Variants in DDHD1 observed in about 807,000 individuals in gnomAD.
DDHD1 encodes DDHD domain containing 1.
In DDHD1, 49 loss-of-function variants were observed where a neutral mutation model predicts 96.4. The observed-to-expected ratio is 0.51, with a 90% CI of 0.40 to 0.64. The LOEUF (loss-of-function observed/expected upper bound fraction) is 0.64, where lower values mean the gene tolerates loss of function less well. Among genes scored for constraint, DDHD1 ranks in the 30% least tolerant of loss-of-function variants. The pLI, the probability that DDHD1 is intolerant of heterozygous loss-of-function variation, is 0.00. For missense variants in DDHD1, 1,106 were observed against 1,161.2 expected (o/e 0.95, Z 0.69); for synonymous variants, 442 against 446.5 (o/e 0.99, Z 0.13).
intron 3 of DDHD1, chr14:53,092,583 C>CT (rs972096524): frequency 2.0e-5 from 3 of 152,170 alleles, no homozygotes; most frequent in Non-Finnish European, 4.4e-5. Context: ...TATTTCAAGC[C>CT]TGTAACCCCA....
chr14:53,103,550 C>A, intron 2 of DDHD1, 133 bp downstream of exon 2: 1 of 700,304 alleles, frequency 1.4e-6, no homozygotes, highest in Non-Finnish European at 2.2e-6. Context: ...CTAGAATAAT[C>A]AAATGTTTAA....
rs776191400 is a variant in DDHD1 at position 53,062,980 on chromosome 14, G to A, written c.1729C>T (p.Arg577Ter). 11 of 1,613,990 alleles carry A rather than the reference G, an allele frequency of 6.8e-6. No homozygotes were observed. In the Admixed American group the frequency reaches 1.5e-4, roughly 22 times the overall value. ...PDERWMSYEE[R>*]HLLDELYITK... ...ATATAGAGTTCATCAAGAAGATGTC[G>A]TTCTTCATAGCTCATCCATCGTTCA... Residue 577 changes from arginine to a stop codon, truncating the protein, a stop_gained, in exon 7 of 13, where the codon CGA becomes TGA. Transcript: ENST00000673822. LOFTEE classifies it high-confidence loss of function.
intron 4 of DDHD1, among the ~76,000 whole-genome samples, chr14:53,079,661 T>A (rs1275056473): frequency 6.6e-6 from 1 of 152,248 alleles, no homozygotes; most frequent in Non-Finnish European, 1.5e-5. Context: ...TCTCGTTTGG[T>A]CTAGTTAAAA....
intron 1 of DDHD1, among the ~76,000 whole-genome samples, chr14:53,119,796 A>C (rs544224028): frequency 2.0e-5 from 3 of 152,356 alleles, no homozygotes; most frequent in Non-Finnish European, 2.9e-5. Flanking sequence ...TATCAATAGA[A>C]TATAACTCAA....
At chr14:53,107,779 GCTGA>G (rs1003742302) in intron 1 of DDHD1, among the ~76,000 whole-genome samples, 9 of 152,110 alleles carry the variant, frequency 5.9e-5, no homozygotes, top group African/African-American at 1.4e-4. Context: ...GATTTTCTAG[GCTGA>G]CTAAGAATCC....
chr14:53,067,704 G>A (rs1266183834), intron 6 of DDHD1, among the ~76,000 whole-genome samples: 4 of 152,128 alleles, frequency 2.6e-5, no homozygotes, highest in South Asian at 2.1e-4. Context: ...TGATCCACCC[G>A]CCTTGGCCTC....
At chr14:53,066,705 G>T (rs747739733) in intron 6 of DDHD1, among the ~76,000 whole-genome samples, 4 of 151,960 alleles carry the variant, frequency 2.6e-5, no homozygotes, top group Non-Finnish European at 5.9e-5. Context: ...AGTGGCTCAC[G>T]CCTGTAATCC....
intron 1 of DDHD1, among the ~76,000 whole-genome samples, chr14:53,142,766 G>C (rs1566605629): frequency 6.6e-6 from 1 of 152,216 alleles, no homozygotes. Flanking sequence ...GAGAACTCAA[G>C]ACAGCACCAA....
chr14:53,089,604 C>T (rs1250058813), intron 4 of DDHD1, among the ~76,000 whole-genome samples: 2 of 152,270 alleles, frequency 1.3e-5, no homozygotes, highest in East Asian at 1.9e-4. Flanking sequence ...GGAAAACTGG[C>T]TAGCCATATG....
At chr14:53,102,835 A>G (rs1887408332) in intron 2 of DDHD1, among the ~76,000 whole-genome samples, 1 of 152,002 alleles carries the variant, frequency 6.6e-6, no homozygotes, top group South Asian at 2.1e-4. Context: ...TCACCTGATC[A>G]ATATTGAGTT....
intron 1 of DDHD1, among the ~76,000 whole-genome samples, chr14:53,115,780 AAT>A (rs1888498451): frequency 6.6e-6 from 1 of 152,236 alleles, no homozygotes; most frequent in Non-Finnish European, 1.5e-5. Flanking sequence ...AACAAAACAA[AAT>A]ATAAAGACCA....
intron 1 of DDHD1, among the ~76,000 whole-genome samples, chr14:53,142,247 G>A (rs1211317472): frequency 1.3e-5 from 2 of 152,210 alleles, no homozygotes; most frequent in Non-Finnish European, 2.9e-5. Context: ...TATTGCCAAT[G>A]CTGGATAAGG....
At chr14:53,123,271 C>T (rs1889152278) in intron 1 of DDHD1, among the ~76,000 whole-genome samples, 1 of 151,798 alleles carries the variant, frequency 6.6e-6, no homozygotes, top group Non-Finnish European at 1.5e-5. Context: ...CTCAGCCTCC[C>T]AAGTAGCTGG....
intron 1 of DDHD1, among the ~76,000 whole-genome samples, chr14:53,121,636 G>A (rs1250414055): frequency 6.6e-6 from 1 of 152,138 alleles, no homozygotes; most frequent in Non-Finnish European, 1.5e-5. Flanking sequence ...TTGCATGGAT[G>A]AAGCTGGAAG....
chr14:53,128,936 G>C (rs1454042691), intron 1 of DDHD1, among the ~76,000 whole-genome samples: 1 of 152,140 alleles, frequency 6.6e-6, no homozygotes, highest in Non-Finnish European at 1.5e-5. Context: ...AATGCACTTT[G>C]TGATATTCCC....
chr14:53,126,133 C>T (rs1368988005), intron 1 of DDHD1, among the ~76,000 whole-genome samples: 1 of 152,108 alleles, frequency 6.6e-6, no homozygotes, highest in East Asian at 1.9e-4. Context: ...ATCACTGGTT[C>T]CCAACTAGTT....
intron 1 of DDHD1, among the ~76,000 whole-genome samples, chr14:53,138,538 G>A (rs147707697): frequency 2.1e-4 from 32 of 152,310 alleles, no homozygotes; most frequent in African/African-American, 7.0e-4. Flanking sequence ...CGGCTATGAG[G>A]AGGGTAAATG....
chr14:53,115,657 C>G (rs1302999464), intron 1 of DDHD1, among the ~76,000 whole-genome samples: 1 of 152,050 alleles, frequency 6.6e-6, no homozygotes, highest in African/African-American at 2.4e-5. Flanking sequence ...AAATAAAATC[C>G]TTTACAGACA....
intron 1 of DDHD1, among the ~76,000 whole-genome samples, chr14:53,116,350 G>A (rs193069895): frequency 3.3e-4 from 51 of 152,280 alleles, no homozygotes; most frequent in African/African-American, 1.2e-3. Context: ...TTCAGGACTT[G>A]AACTCAACTC....
Sources: gnomAD v4.1 joint callset for allele counts (sites outside exome capture counted in the v4.1 genomes callset) on GRCh38, gnomAD v4.1.1 for gene constraint, MANE v1.5 for transcripts, NCBI Gene and HGNC (gene_info 2026-07-23, HGNC 2026-07-21) for gene names.